MID1: variants seen among roughly 807,000 people sequenced by gnomAD.
MID1 encodes the protein E3 ubiquitin-protein ligase Midline-1.
MID1 carries 7 observed loss-of-function variants against 40.4 expected under a neutral mutation model. The ratio of observed to expected loss-of-function variants is 0.17; its 90% confidence interval spans 0.10 to 0.33. MID1 has a LOEUF of 0.33. Ranked by LOEUF, MID1 falls within the 10% of genes least tolerant of loss-of-function variation. The pLI is 1.00. For synonymous variants in MID1, 229 were observed against 221.2 expected (o/e 1.04, Z -0.31); for missense variants, 367 against 558.5 (o/e 0.66, Z 3.46).
intron 1 of MID1, among the ~76,000 whole-genome samples, chrX:10,683,248 A>G (rs1434746070): frequency 8.9e-6 from 1 of 112,110 alleles, no homozygotes; most frequent in Non-Finnish European, 1.9e-5. Context: ...TCTTAATGAC[A>G]GAATCATTAA....
chrX:10,821,549 C>G (rs1006202773), intron 1 of MID1, among the ~76,000 whole-genome samples: 1 of 112,105 alleles, frequency 8.9e-6, no homozygotes, highest in Non-Finnish European at 1.9e-5. Flanking sequence ...TTGTCTTATT[C>G]TTGCTTTCTT....
chrX:10,745,010 C>T (rs2043549001), intron 1 of MID1, among the ~76,000 whole-genome samples: 1 of 112,188 alleles, frequency 8.9e-6, no homozygotes, highest in African/African-American at 3.2e-5. Context: ...TACTGTTAAC[C>T]ACATTTCCTA....
At chrX:10,605,571 TATA>T (rs761480743) in intron 1 of MID1, among the ~76,000 whole-genome samples, 7 of 112,333 alleles carry the variant, frequency 6.2e-5, no homozygotes, top group South Asian at 7.4e-4. Flanking sequence ...TTCTTATGGC[TATA>T]ATGTTTCTTC....
intron 4 of MID1, among the ~76,000 whole-genome samples, chrX:10,483,475 G>A (rs779704975): frequency 8.9e-6 from 1 of 112,017 alleles, no homozygotes; most frequent in East Asian, 2.8e-4. Flanking sequence ...TTGACCGTTC[G>A]CTCTTGTGTT....
intron 1 of MID1, among the ~76,000 whole-genome samples, chrX:10,728,300 T>C (rs2043412603): frequency 9.0e-6 from 1 of 111,578 alleles, no homozygotes; most frequent in South Asian, 3.8e-4. Context: ...GCTGTGACTT[T>C]CTCTGTTGGA....
intron 5 of MID1, among the ~76,000 whole-genome samples, chrX:10,478,590 G>A (rs1217203829): frequency 8.9e-6 from 1 of 112,019 alleles, no homozygotes; most frequent in African/African-American, 3.2e-5. Flanking sequence ...ATTAGCCAAT[G>A]TTAATGAGCA....
chrX:10,612,641 T>C (rs1935754108), intron 1 of MID1, among the ~76,000 whole-genome samples: 1 of 112,654 alleles, frequency 8.9e-6, no homozygotes, highest in Non-Finnish European at 1.9e-5. Flanking sequence ...ACTATTTGGA[T>C]TTTTTGGACA....
Position 10,701,129 on chromosome X carries a change from A to G in MID1, c.-186-80710T>C, listed in dbSNP as rs554490494. ...ACTCACTCTAAAGCAGCCGCTGTTGATGCAAGCAAAGGTTAGAGCAACATG... is the reference window on the plus strand; with the variant it reads ...ACTCACTCTAAAGCAGCCGCTGTTGGTGCAAGCAAAGGTTAGAGCAACATG... On this transcript the variant is annotated intron_variant, in intron 1 of 10. Transcript: ENST00000380785. Among the ~76,000 whole-genome samples, 32 of 112,058 alleles carry G rather than the reference A, an allele frequency of 2.9e-4. No individual in the cohort carries two copies. The South Asian group carries it at 0.011, about 38-fold the overall frequency.
Position 10,825,874 on chromosome X carries a change from T to C in MID1, c.-187+7680A>G, listed in dbSNP as rs189415173. Among the ~76,000 whole-genome samples the C allele has an allele frequency of 4.5e-5, 5 of 111,837 alleles. No individual in the cohort carries two copies. The East Asian group carries it at 1.4e-3, about 31-fold the overall frequency. ...CTGCTGATGAATTTGTGGGTTATAATGGTAACTCACATGTAGGGCATTTGA... is the reference window on the plus strand; with the variant it reads ...CTGCTGATGAATTTGTGGGTTATAACGGTAACTCACATGTAGGGCATTTGA... On this transcript the variant is annotated intron_variant, in intron 1 of 10. Coordinates refer to the MID1 transcript ENST00000380785.
chrX:10,690,197 C>T (rs756220193), intron 1 of MID1, among the ~76,000 whole-genome samples: 10 of 111,683 alleles, frequency 9.0e-5, no homozygotes, highest in Non-Finnish European at 1.9e-4. Context: ...GAGGTCAACA[C>T]GATTTGCAAC....
At chrX:10,734,396 G>C (rs1010726396) in intron 1 of MID1, among the ~76,000 whole-genome samples, 1 of 110,864 alleles carries the variant, frequency 9.0e-6, no homozygotes, top group East Asian at 2.8e-4. Flanking sequence ...TGAGGGGGAA[G>C]GGTGGGAAGA....
chrX:10,762,765 C>T (rs1033706387), intron 1 of MID1, among the ~76,000 whole-genome samples: 1 of 111,492 alleles, frequency 9.0e-6, no homozygotes, highest in African/African-American at 3.3e-5. Flanking sequence ...GAAGGAAAAT[C>T]AAGCAGAGCA....
At chrX:10,676,401 A>G (rs2043023518) in intron 1 of MID1, among the ~76,000 whole-genome samples, 1 of 111,459 alleles carries the variant, frequency 9.0e-6, no homozygotes, top group Non-Finnish European at 1.9e-5. Flanking sequence ...TCACTAACCA[A>G]CTTCCCTCCC....
Position 10,566,935 on chromosome X carries a change from G to A in MID1, c.613C>T (p.Arg205Cys), listed in dbSNP as rs965275724. Residue 205 changes from arginine (R) to cysteine (C), a missense_variant, in exon 2 of 10, where the codon CGC becomes TGC. Arg to Cys is a radical substitution (Grantham distance 180, BLOSUM62 -3). Coordinates refer to ENST00000317552, the MANE Select transcript of MID1 (RefSeq NM_000381.4). ...CTCAAAGCTGCCACCTGATGATCGC[G>A]GTGCCGCCCAACCAGTTTACACAAG... ...CALCKLVGRH[R>C]DHQVAALSER... The A allele has an allele frequency of 1.2e-5, 15 of 1,211,624 alleles. No individual in the cohort carries two copies. In the South Asian group the frequency reaches 1.4e-4, roughly 11 times the overall value.
intron 2 of MID1, among the ~76,000 whole-genome samples, chrX:10,537,298 G>A (rs969700713): frequency 9.0e-6 from 1 of 111,689 alleles, no homozygotes; most frequent in African/African-American, 3.3e-5. Context: ...ACCATTGGTT[G>A]GACTCAGTGT....
rs373807203 is a variant in MID1, at chrX:10,741,536, CT to C, written c.-187+92017del. ...GAAGATTTCAGTCCTTGAAAACAATCTTTTTTTTTTCCACTTATTAAGAACC... is the reference window on the plus strand; with the variant it reads ...GAAGATTTCAGTCCTTGAAAACAATCTTTTTTTTTCCACTTATTAAGAACC... On this transcript the variant is annotated intron_variant, in intron 1 of 10. Coordinates refer to the MID1 transcript ENST00000380785. Among the ~76,000 whole-genome samples the C allele has an allele frequency of 3.8e-3, 392 of 104,197 alleles. 5 individuals are homozygous for C. Among genetic ancestry groups the C allele is most frequent in the African/African-American group, 0.013 (366 of 28,621 alleles). 90.5% of individuals were successfully genotyped at this position (104,197 alleles called of 115,157 possible).
intron 1 of MID1, among the ~76,000 whole-genome samples, chrX:10,613,732 TAGAGAGAGAGAGAG>T (rs1163813461): frequency 2.9e-4 from 5 of 17,482 alleles, no homozygotes; most frequent in Non-Finnish European, 5.4e-4. Context: ...TATATATATA[TAGAGAGAGAGAGAG>T]AGAGAGAGAG....
At chrX:10,566,825 C>T in intron 2 of MID1, 63 bp downstream of exon 2, 2 of 1,128,226 alleles carry the variant, frequency 1.8e-6, no homozygotes, top group Non-Finnish European at 1.2e-6. Context: ...GCAGTGAATA[C>T]ACTTTTTATT....
intron 4 of MID1, among the ~76,000 whole-genome samples, chrX:10,485,005 T>C (rs1930543923): frequency 9.0e-6 from 1 of 111,701 alleles, no homozygotes; most frequent in African/African-American, 3.3e-5. Context: ...AGAAAAACAC[T>C]GCTCTAAGTT....
Sources: allele counts gnomAD v4.1 joint callset (sites outside exome capture counted in the v4.1 genomes callset), GRCh38; gene constraint gnomAD v4.1.1; transcripts MANE v1.5; gene names NCBI Gene and HGNC (gene_info 2026-07-23, HGNC 2026-07-21).